The following ZNF385D variants were observed in gnomAD, a reference collection of about 807,000 sequenced individuals.
ZNF385D encodes the protein zinc finger protein 385D, also known as zinc finger protein 659.
In ZNF385D, 15 loss-of-function variants were observed where a neutral mutation model predicts 35.8. The ratio of observed to expected loss-of-function variants is 0.42; its 90% CI spans 0.28 to 0.64. The LOEUF is 0.64. Among genes scored for constraint, ZNF385D ranks in the 30% least tolerant of loss-of-function variants. The pLI, the probability that ZNF385D is intolerant of heterozygous loss-of-function variation, is 0.23. For missense variants in ZNF385D, 474 were observed against 494.6 expected, an observed-to-expected ratio of 0.96 and a Z score of 0.39; for synonymous variants, 212 against 186.8, an observed-to-expected ratio of 1.13 and a Z score of -1.10.
At chr3:21,785,095 C>T (rs1020525320) in intron 3 of ZNF385D, among the ~76,000 whole-genome samples, 8 of 152,132 alleles carry the variant, frequency 5.3e-5, no homozygotes, top group Non-Finnish European at 8.8e-5. Flanking sequence ...GTTCCCTGCA[C>T]TGACCGGGGA....
chr3:22,348,082 T>G (rs1200848382), intron 2 of ZNF385D, among the ~76,000 whole-genome samples: 4 of 152,152 alleles, frequency 2.6e-5, no homozygotes, highest in Admixed American at 1.3e-4. Context: ...AACATACATT[T>G]TTTAACTGGT....
chr3:21,955,061 C>T (rs1469544333), intron 3 of ZNF385D, among the ~76,000 whole-genome samples: 1 of 152,072 alleles, frequency 6.6e-6, no homozygotes, highest in Non-Finnish European at 1.5e-5. Flanking sequence ...TTTATCGTTA[C>T]CAACAGATGT....
At position 21,711,316 on chromosome 3, in the gene ZNF385D, C is replaced by T. The variant is rs1049202274; in HGVS notation, c.22+39579G>A. On this transcript the variant is annotated intron_variant, in intron 1 of 7. Coordinates refer to ENST00000281523, the MANE Select transcript of ZNF385D (RefSeq NM_024697.3). ...TCGGCCTCCCAAAGTGCTGGGATTA[C>T]AGGCATGAGCCACCGCGCCCGGCCG... is the stretch of plus-strand genomic sequence containing the variant. Among the ~76,000 whole-genome samples, 4 of 152,140 alleles carry T rather than the reference C, an allele frequency of 2.6e-5. No individual in the cohort carries two copies. The East Asian group carries it at 7.7e-4, about 29-fold the overall frequency.
chr3:22,358,852 T>A (rs568623339), intron 2 of ZNF385D, among the ~76,000 whole-genome samples: 1 of 151,730 alleles, frequency 6.6e-6, no homozygotes, highest in East Asian at 1.9e-4. Flanking sequence ...GGATGCCTAG[T>A]GGGGCTTAAA....
At chr3:21,807,451 C>T (rs1235726314) in intron 3 of ZNF385D, among the ~76,000 whole-genome samples, 2 of 151,912 alleles carry the variant, frequency 1.3e-5, no homozygotes, top group Non-Finnish European at 2.9e-5. Flanking sequence ...ATTTGACTCG[C>T]CAAGTTTAAA....
intron 3 of ZNF385D, among the ~76,000 whole-genome samples, chr3:21,528,613 T>G (rs947707616): frequency 1.3e-5 from 2 of 152,224 alleles, no homozygotes. Context: ...GTGGATCAAA[T>G]GGATCATAAC....
intron 3 of ZNF385D, among the ~76,000 whole-genome samples, chr3:22,005,161 T>C (rs1407182921): frequency 7.0e-6 from 1 of 142,094 alleles, no homozygotes; most frequent in African/African-American, 2.6e-5. Context: ...GACATACAAA[T>C]GGCCCACAGG....
At chr3:22,064,894 A>T (rs1364151481) in intron 3 of ZNF385D, among the ~76,000 whole-genome samples, 1 of 152,220 alleles carries the variant, frequency 6.6e-6, no homozygotes, top group East Asian at 1.9e-4. Flanking sequence ...GTAAGTAACA[A>T]TGCATTGTAT....
At chr3:21,727,630 C>T (rs1315471800) in intron 1 of ZNF385D, among the ~76,000 whole-genome samples, 2 of 152,212 alleles carry the variant, frequency 1.3e-5, no homozygotes, top group Admixed American at 1.3e-4. Flanking sequence ...CATCTCACGC[C>T]AGTCAGAATG....
At chr3:21,580,518 TG>T (rs1366861798) in intron 2 of ZNF385D, among the ~76,000 whole-genome samples, 1 of 152,202 alleles carries the variant, frequency 6.6e-6, no homozygotes, top group African/African-American at 2.4e-5. Flanking sequence ...ACATAAATTG[TG>T]GGCAGTACCT....
chr3:22,239,162 C>A (rs1699351794), intron 2 of ZNF385D, among the ~76,000 whole-genome samples: 1 of 151,034 alleles, frequency 6.6e-6, no homozygotes, highest in Non-Finnish European at 1.5e-5. Context: ...CTAAGTTCTG[C>A]TTTTTTCTAG....
intron 2 of ZNF385D, among the ~76,000 whole-genome samples, chr3:22,280,585 T>C (rs1384585007): frequency 6.6e-6 from 1 of 152,046 alleles, no homozygotes; most frequent in African/African-American, 2.4e-5. Flanking sequence ...CTGTAAGTAT[T>C]TGGCTTTATT....
intron 3 of ZNF385D, among the ~76,000 whole-genome samples, chr3:21,921,668 G>T (rs187135383): frequency 9.5e-4 from 116 of 121,906 alleles, no homozygotes; most frequent in Non-Finnish European, 1.7e-3. Flanking sequence ...AAGAAGCCAA[G>T]AATATATGTC....
intron 2 of ZNF385D, among the ~76,000 whole-genome samples, chr3:21,633,580 T>A (rs1575363048): frequency 6.6e-6 from 1 of 152,112 alleles, no homozygotes; most frequent in East Asian, 1.9e-4. Context: ...CAAATAACTA[T>A]CTTTATGCTG....
At chr3:21,888,385 G>A (rs1698663383) in intron 3 of ZNF385D, among the ~76,000 whole-genome samples, 1 of 152,230 alleles carries the variant, frequency 6.6e-6, no homozygotes, top group South Asian at 2.1e-4. Context: ...CACTAGCACT[G>A]AATTGAAGTT....
At chr3:22,191,915 A>AC (rs960386887) in intron 2 of ZNF385D, among the ~76,000 whole-genome samples, 2 of 88,162 alleles carry the variant, frequency 2.3e-5, no homozygotes, top group African/African-American at 2.0e-4. Flanking sequence ...AATCTATAAA[A>AC]AAACAATGGT....
At chr3:21,442,886 A>AGTGTGTGTGTGTGTGT (rs4045435) in intron 4 of ZNF385D, among the ~76,000 whole-genome samples, 15 of 147,166 alleles carry the variant, frequency 1.0e-4, no homozygotes, top group South Asian at 4.4e-4. Flanking sequence ...TCTGTGTATA[A>AGTGTGTGTGTGTGTGT]GTGTGTGTGT....
chr3:22,160,422 T>C (rs1255670044), intron 3 of ZNF385D, among the ~76,000 whole-genome samples: 3 of 152,046 alleles, frequency 2.0e-5, no homozygotes, highest in African/African-American at 4.8e-5. Context: ...ATGATAAATA[T>C]ATACATAAAA....
chr3:21,642,968 C>A (rs1038727949), intron 2 of ZNF385D, among the ~76,000 whole-genome samples: 1 of 151,900 alleles, frequency 6.6e-6, no homozygotes, highest in African/African-American at 2.4e-5. Context: ...TGCAGAATTT[C>A]AATTTTGGAA....
Sources: gnomAD v4.1 joint callset for allele counts (sites outside exome capture counted in the v4.1 genomes callset) on GRCh38, gnomAD v4.1.1 for gene constraint, MANE v1.5 for transcripts, NCBI Gene and HGNC (gene_info 2026-07-23, HGNC 2026-07-21) for gene names.